Variants in DCLK1 observed in about 807,000 individuals in gnomAD.
The protein encoded by DCLK1 is serine/threonine-protein kinase DCLK1.
Under a neutral mutation model 86.2 loss-of-function variants are expected in DCLK1, and 16 were observed. That is an observed-to-expected ratio of 0.19 (90% CI 0.13 to 0.28). The LOEUF is 0.28. DCLK1 is among the 10% of genes least tolerant of loss of function. The probability of loss-of-function intolerance (pLI) is 1.00; values close to 1 mark genes in which losing one functional copy is unlikely to be tolerated. For missense variants in DCLK1, 590 were observed against 940.2 expected (o/e 0.63, Z 4.87); for synonymous variants, 369 against 370.5 (o/e 1.00, Z 0.05).
intron 15 of DCLK1, among the ~76,000 whole-genome samples, chr13:35,801,863 G>A (rs998971830): frequency 1.3e-5 from 2 of 152,036 alleles, no homozygotes; most frequent in African/African-American, 2.4e-5. Flanking sequence ...GATTCATGTC[G>A]TTCCCAACAG....
intron 4 of DCLK1, among the ~76,000 whole-genome samples, chr13:35,883,806 T>C (rs572977226): frequency 6.6e-6 from 1 of 152,112 alleles, no homozygotes; most frequent in Admixed American, 6.5e-5. Flanking sequence ...ATGGATTGCA[T>C]AGGGGCAGGT....
chr13:36,122,185 C>T (rs888159056), intron 2 of DCLK1, among the ~76,000 whole-genome samples: 3 of 152,026 alleles, frequency 2.0e-5, no homozygotes, highest in Admixed American at 6.5e-5. Context: ...AAGAGATTCC[C>T]TAACTGTGGG....
intron 3 of DCLK1, among the ~76,000 whole-genome samples, chr13:35,991,591 G>A (rs1258045900): frequency 6.6e-6 from 1 of 152,170 alleles, no homozygotes; most frequent in African/African-American, 2.4e-5. Flanking sequence ...TTGAGCCTAA[G>A]AGGTCGAGGC....
intron 16 of DCLK1, among the ~76,000 whole-genome samples, chr13:35,780,189 A>C (rs1208184126): frequency 6.6e-6 from 1 of 152,140 alleles, no homozygotes; most frequent in Non-Finnish European, 1.5e-5. Flanking sequence ...CCCAGACATC[A>C]AGCAAATAGG....
At chr13:35,791,282 A>G (rs1328801168) in intron 16 of DCLK1, among the ~76,000 whole-genome samples, 2 of 152,122 alleles carry the variant, frequency 1.3e-5, no homozygotes, top group East Asian at 3.9e-4. Context: ...TATTAAAAAA[A>G]AAAAAACCTC....
At chr13:35,921,966 AATAGAGAAAC>A (rs1290074954) in intron 4 of DCLK1, among the ~76,000 whole-genome samples, 3 of 152,160 alleles carry the variant, frequency 2.0e-5, no homozygotes, top group Non-Finnish European at 4.4e-5. Context: ...AGTAAAAATA[AATAGAGAAAC>A]ATAGTGCCTA....
rs1161366567 is a variant in DCLK1, at chr13:35,774,584, T to C, written c.2174A>G (p.Tyr725Cys). 2.5e-6 allele frequency: 4 copies of C among 1,572,534 alleles called. No individual in the cohort carries two copies. Among genetic ancestry groups the C allele is most frequent in the Non-Finnish European group, 3.5e-6 (4 of 1,157,362 alleles). Residue 725 changes from tyrosine (Y) to cysteine (C), a missense_variant, in exon 17 of 17, where the codon TAC (tyrosine) becomes TGC (cysteine). Physicochemically the swap from Tyr to Cys is radical, Grantham distance 194. This residue lies in a region of DCLK1 where 146 missense variants were observed against 190.2 expected (regional missense o/e 0.77). Coordinates refer to ENST00000360631, the MANE Select transcript of DCLK1 (RefSeq NM_001330071.2). The stretch of plus-strand genomic sequence containing the variant: ...AACAGTCTCGGAGGAGCTTGGGGAG[T>C]AGTCTTCCGATTCCGAGTTGAGTTC... ...PPELNSESEDYSPSSSETVRS... is the reference protein window; with the variant it reads ...PPELNSESEDCSPSSSETVRS...
At chr13:35,946,445 A>AAAGTC (rs774142446) in intron 4 of DCLK1, among the ~76,000 whole-genome samples, 1 of 151,624 alleles carries the variant, frequency 6.6e-6, no homozygotes, top group East Asian at 1.9e-4. Flanking sequence ...AGAACAGGTG[A>AAAGTC]AAGTCAAGTC....
chr13:35,819,206 T>C (rs2087338357), intron 11 of DCLK1, among the ~76,000 whole-genome samples: 1 of 152,280 alleles, frequency 6.6e-6, no homozygotes, highest in Admixed American at 6.5e-5. Context: ...AATACAACAA[T>C]AAATTTATAA....
intron 6 of DCLK1, among the ~76,000 whole-genome samples, chr13:35,844,325 G>C (rs1870024713): frequency 6.6e-6 from 1 of 152,198 alleles, no homozygotes; most frequent in Non-Finnish European, 1.5e-5. Context: ...AAACAGTGGT[G>C]TTATGGCTAT....
At chr13:36,034,671 G>A (rs1290541196) in intron 3 of DCLK1, among the ~76,000 whole-genome samples, 1 of 152,142 alleles carries the variant, frequency 6.6e-6, no homozygotes, top group Non-Finnish European at 1.5e-5. Context: ...TCCTCTCTTA[G>A]TGGTGAGCAG....
In DCLK1 at chr13:35,780,697, G is replaced by T. The variant is rs140513475; in HGVS notation, c.2059-5998C>A. ...ACCTGCCCTATCCAGAAGAAACACC[G>T]CATATTCCTACCACAATCTGTAAGC... On this transcript the variant is annotated intron_variant, in intron 16 of 16. Transcript: ENST00000360631. Among the ~76,000 whole-genome samples, 7 of 152,314 alleles carry T rather than the reference G, an allele frequency of 4.6e-5. No individual in the cohort carries two copies. In the East Asian group the frequency reaches 9.6e-4, roughly 21 times the overall value.
chr13:35,836,164 T>C (rs1335400701), intron 7 of DCLK1, 23 bp from the exon 8 acceptor site: 1 of 1,581,430 alleles, frequency 6.3e-7, no homozygotes, highest in South Asian at 1.1e-5. Context: ...TTAATACTTT[T>C]TTATTGGTTG....
At position 35,992,789 on chromosome 13, in the gene DCLK1, C is replaced by T. The variant is rs147103355; in HGVS notation, c.724-45332G>A. On this transcript the variant is annotated intron_variant, in intron 3 of 16. Transcript: ENST00000360631. ...GGTTGGACAATACATTTTATGATCA[C>T]TCTATTTCTCCTCTTTCCCCTGAAA... 5.9e-4 allele frequency among the ~76,000 whole-genome samples: 90 copies of T among 152,246 alleles called. No homozygotes were observed. In the East Asian group the frequency reaches 0.017, roughly 29 times the overall value.
At chr13:36,114,229 G>T (rs1018970236) in intron 2 of DCLK1, among the ~76,000 whole-genome samples, 17 of 152,166 alleles carry the variant, frequency 1.1e-4, no homozygotes, top group African/African-American at 4.1e-4. Flanking sequence ...CTTAGATAAA[G>T]CACCCTGAAA....
chr13:36,007,454 C>T (rs1313853515), intron 3 of DCLK1, among the ~76,000 whole-genome samples: 1 of 152,154 alleles, frequency 6.6e-6, no homozygotes, highest in Non-Finnish European at 1.5e-5. Context: ...TCTCTGTTCC[C>T]AGCAAAATCT....
Position 36,112,171 on chromosome 13 carries a change from C to T in DCLK1, c.421G>A (p.Glu141Lys). ...TTGGGGTTCACATTCTTGGTGTACT[C>T]CAGTTTCTTGAAGGGCTCTATGGAG... is the stretch of plus-strand genomic sequence containing the variant. ...CGSIEPFKKL[E>K]YTKNVNPNWS... The change falls in exon 3 of 17, where the codon GAG becomes AAG. Residue 141 changes from glutamate (E) to lysine (K), a missense_variant. Glu to Lys is a moderately conservative substitution (Grantham distance 56). Coordinates refer to ENST00000360631, the MANE Select transcript of DCLK1 (RefSeq NM_001330071.2). 6.2e-7 allele frequency: 1 copy of T among 1,605,934 alleles called. No individual in the cohort carries two copies. Among genetic ancestry groups the T allele is most frequent in the Non-Finnish European group, 8.5e-7 (1 of 1,173,546 alleles).
chr13:36,066,567 T>C (rs1413926152), intron 3 of DCLK1, among the ~76,000 whole-genome samples: 2 of 151,198 alleles, frequency 1.3e-5, no homozygotes, highest in African/African-American at 2.4e-5. Context: ...AGTGGGGAGG[T>C]CTGGAAAGAA....
intron 15 of DCLK1, among the ~76,000 whole-genome samples, chr13:35,794,145 C>G (rs985655701): frequency 4.6e-5 from 7 of 152,202 alleles, no homozygotes; most frequent in Non-Finnish European, 5.9e-5. Flanking sequence ...ACATGGTTCT[C>G]TTGTACTAAA....
Sources: gnomAD v4.1 joint callset for allele counts (sites outside exome capture counted in the v4.1 genomes callset) on GRCh38, gnomAD v4.1.1 for gene constraint, gnomAD v4.1.1 regional missense constraint, MANE v1.5 for transcripts, NCBI Gene and HGNC (gene_info 2026-07-23, HGNC 2026-07-21) for gene names.